The following FRMPD4 variants were observed in gnomAD, a reference collection of about 807,000 sequenced individuals.
FRMPD4 encodes FERM and PDZ domain containing 4.
FRMPD4 carries 22 observed loss-of-function variants against 94.1 expected under a neutral mutation model. That is an observed-to-expected ratio of 0.23 (90% confidence interval 0.17 to 0.33). FRMPD4 has a LOEUF of 0.33. Among genes scored for constraint, FRMPD4 ranks in the 10% least tolerant of loss-of-function variants. The pLI, the probability that FRMPD4 is intolerant of heterozygous loss-of-function variation, is 1.00. For synonymous variants in FRMPD4, 631 were observed against 548.6 expected (o/e 1.15, Z -2.10); for missense variants, 1,111 against 1,339.9 (o/e 0.83, Z 2.67).
chrX:11,844,308 A>C (rs1006796270), intron 1 of FRMPD4, among the ~76,000 whole-genome samples: 7 of 110,678 alleles, frequency 6.3e-5, no homozygotes, highest in Non-Finnish European at 1.1e-4. Context: ...GATAGTTATG[A>C]ATTCTTTACG....
At chrX:12,226,784 T>C (rs1332550795) in intron 1 of FRMPD4, among the ~76,000 whole-genome samples, 1 of 111,316 alleles carries the variant, frequency 9.0e-6, no homozygotes, top group Non-Finnish European at 1.9e-5. Context: ...TCTTCTATAA[T>C]GGGCAGTAAT....
intron 1 of FRMPD4, among the ~76,000 whole-genome samples, chrX:12,272,869 G>C (rs1316044133): frequency 9.0e-6 from 1 of 111,254 alleles, no homozygotes; most frequent in Admixed American, 9.5e-5. Flanking sequence ...AGGAGTTTGA[G>C]ACCAGCCTGG....
intron 14 of FRMPD4, 51 bp from the exon 15 acceptor site, chrX:12,716,018 C>CCCA: frequency 2.3e-6 from 1 of 436,999 alleles, no homozygotes; most frequent in East Asian, 4.1e-5. Context: ...CCCGCCCCAC[C>CCCA]CAAAACCAGA....
chrX:11,857,066 A>C (rs1284641537), intron 1 of FRMPD4, among the ~76,000 whole-genome samples: 1 of 112,189 alleles, frequency 8.9e-6, no homozygotes, highest in Admixed American at 9.5e-5. Flanking sequence ...GATGACACAA[A>C]CAAATGGAAA....
At position 12,138,831 on chromosome X, in the gene FRMPD4, C is replaced by T; in HGVS notation, c.-141C>T. The T allele has an allele frequency of 2.2e-6, 1 of 450,240 alleles. No individual in the cohort carries two copies. The highest frequency in any genetic ancestry group is 3.5e-6 in the Non-Finnish European group (1 of 285,872). The allele number at this position is 450,240 out of a possible 1,213,427, so 37.1% of individuals were successfully genotyped here. A position where few individuals can be genotyped will look rare whatever the true frequency, so the allele number is the denominator to read the frequency against. On this transcript the variant is annotated 5_prime_UTR_variant, in exon 1 of 17. Transcript: ENST00000675598. ...GCCGCCTCCAGGTGCAGGTTCTCTC[C>T]GGCCGCCGCCGCCACCCGCTGTCGC...
At chrX:12,684,122 T>G (rs1447429970) in intron 6 of FRMPD4, among the ~76,000 whole-genome samples, 2 of 112,163 alleles carry the variant, frequency 1.8e-5, no homozygotes, top group African/African-American at 6.5e-5. Flanking sequence ...CACATCTCCA[T>G]AAATAGGTCC....
intron 1 of FRMPD4, among the ~76,000 whole-genome samples, chrX:12,487,077 A>G (rs1023504289): frequency 6.2e-5 from 7 of 112,425 alleles, no homozygotes; most frequent in African/African-American, 2.3e-4. Context: ...GAAAGTTATA[A>G]AAGAATGTGG....
At chrX:11,884,002 A>G (rs1253928872) in intron 3 of FRMPD4, among the ~76,000 whole-genome samples, 2 of 111,808 alleles carry the variant, frequency 1.8e-5, no homozygotes, top group Non-Finnish European at 3.8e-5. Flanking sequence ...AAACAAATGG[A>G]TGTCCTTTCT....
At chrX:12,386,482 A>G (rs748424361) in intron 1 of FRMPD4, among the ~76,000 whole-genome samples, 2 of 112,278 alleles carry the variant, frequency 1.8e-5, no homozygotes, top group East Asian at 2.8e-4. Context: ...TCTGGGGTCT[A>G]TCTAACCCTC....
chrX:12,116,621 A>T (rs1307936698), intron 3 of FRMPD4, among the ~76,000 whole-genome samples: 1 of 111,605 alleles, frequency 9.0e-6, no homozygotes, highest in Non-Finnish European at 1.9e-5. Flanking sequence ...GAGTTAAGTC[A>T]TTATGTGGAA....
At chrX:12,311,026 C>A (rs6640970) in intron 1 of FRMPD4, among the ~76,000 whole-genome samples, 16,995 of 111,810 alleles carry the variant, frequency 0.15, 1,238 homozygotes, top group Admixed American at 0.4. Context: ...CTACCATCTT[C>A]TTTTGTGCTT....
rs1252415400 is a variant in FRMPD4, at chrX:12,473,922, C to A, written c.42-24758C>A. ...ACAGATCGACAAGACAGAAAGTTAA[C>A]AAGGAAATCCAGGAATTGAACTCAG... On this transcript the variant is annotated intron_variant, in intron 1 of 16. Coordinates refer to ENST00000675598, the MANE Select transcript of FRMPD4 (RefSeq NM_001368397.1). 8.2e-5 allele frequency among the ~76,000 whole-genome samples: 9 copies of A among 109,169 alleles called. 1 individual carries two copies. The highest frequency in any genetic ancestry group is 3.1e-4 in the African/African-American group (9 of 28,650). The allele number at this position is 109,169 out of a possible 115,157, so 94.8% of individuals were successfully genotyped here.
At chrX:12,297,227 A>G (rs1253174096) in intron 1 of FRMPD4, among the ~76,000 whole-genome samples, 1 of 112,682 alleles carries the variant, frequency 8.9e-6, no homozygotes, top group Non-Finnish European at 1.9e-5. Context: ...ACTAAGCACA[A>G]TGTTTGAGAT....
At chrX:12,350,963 C>T (rs149285921) in intron 1 of FRMPD4, among the ~76,000 whole-genome samples, 1,404 of 111,820 alleles carry the variant, frequency 0.013, 18 homozygotes, top group African/African-American at 0.043. Flanking sequence ...ATCACGAGGT[C>T]AGGAAATCGA....
At chrX:12,458,388 G>A (rs1372971873) in intron 1 of FRMPD4, among the ~76,000 whole-genome samples, 3 of 111,763 alleles carry the variant, frequency 2.7e-5, no homozygotes, top group African/African-American at 9.7e-5. Context: ...AACTCACTGG[G>A]ATTCATGGAG....
At position 12,720,057 on chromosome X, in the gene FRMPD4, A is replaced by AGGAAAGGAAAG. The variant is rs1569078507; in HGVS notation, c.3965-476_3965-475insGAAAGGAAAGG. On this transcript the variant is annotated intron_variant, in intron 16 of 16. Transcript: ENST00000675598. ...AAGGAAAGGAAAGGAAAGGAAAGAA[A>AGGAAAGGAAAG]GAAAGAAAGAAAGAAAGAAAGAAAG... Among the ~76,000 whole-genome samples the AGGAAAGGAAAG allele has an allele frequency of 1.3e-3, 105 of 80,096 alleles. 1 individual carries two copies. Among genetic ancestry groups the AGGAAAGGAAAG allele is most frequent in the African/African-American group, 4.9e-3 (99 of 20,337 alleles). The allele number at this position is 80,096 out of a possible 115,157, so 69.6% of individuals were successfully genotyped here.
At chrX:12,405,409 G>A (rs1001360434) in intron 1 of FRMPD4, among the ~76,000 whole-genome samples, 1 of 110,958 alleles carries the variant, frequency 9.0e-6, no homozygotes, top group African/African-American at 3.3e-5. Flanking sequence ...GTACATAGTA[G>A]GTGTATATAT....
chrX:12,145,406 G>A (rs1032233278), intron 1 of FRMPD4, among the ~76,000 whole-genome samples: 8 of 112,176 alleles, frequency 7.1e-5, no homozygotes, highest in Non-Finnish European at 7.5e-5. Flanking sequence ...CCAAGTCACC[G>A]GTCTTTACCC....
intron 1 of FRMPD4, among the ~76,000 whole-genome samples, chrX:12,248,903 G>A (rs991254405): frequency 8.9e-6 from 1 of 112,183 alleles, no homozygotes; most frequent in African/African-American, 3.2e-5. Flanking sequence ...GCTGGGTGTG[G>A]TGGCACATGC....
Sources: allele counts gnomAD v4.1 joint callset (sites outside exome capture counted in the v4.1 genomes callset), GRCh38; gene constraint gnomAD v4.1.1; transcripts MANE v1.5; gene names NCBI Gene and HGNC (gene_info 2026-07-23, HGNC 2026-07-21).